The following HS6ST3 variants were observed in gnomAD, a reference collection of about 807,000 sequenced individuals.
HS6ST3 encodes the protein heparan sulfate 6-O-sulfotransferase 3, also known as heparan-sulfate 6-O-sulfotransferase 3.
In HS6ST3, 12 loss-of-function variants were observed where a neutral mutation model predicts 36.7. The observed-to-expected ratio is 0.33, with a 90% CI of 0.21 to 0.53. HS6ST3 has a LOEUF of 0.53. Ranked by LOEUF, HS6ST3 falls within the 20% of genes least tolerant of loss-of-function variation. The pLI is 0.95. For synonymous variants in HS6ST3, 240 were observed against 257.5 expected (o/e 0.93, Z 0.65); for missense variants, 584 against 640.9 (o/e 0.91, Z 0.96).
intron 1 of HS6ST3, among the ~76,000 whole-genome samples, chr13:96,462,086 G>T (rs1317860479): frequency 6.6e-6 from 1 of 152,044 alleles, no homozygotes; most frequent in Admixed American, 6.6e-5. Flanking sequence ...TTCAGGCAGG[G>T]TCTGACAGGG....
chr13:96,346,631 C>T (rs1315393752), intron 1 of HS6ST3, among the ~76,000 whole-genome samples: 5 of 151,894 alleles, frequency 3.3e-5, no homozygotes, highest in African/African-American at 7.3e-5. Flanking sequence ...TATATAATCT[C>T]GTGTTTGTAT....
intron 1 of HS6ST3, among the ~76,000 whole-genome samples, chr13:96,642,154 G>GT (rs1405982746): frequency 1.3e-5 from 2 of 151,698 alleles, no homozygotes; most frequent in Non-Finnish European, 2.9e-5. Context: ...TGGATATAAA[G>GT]TTTTTGGTTG....
intron 1 of HS6ST3, among the ~76,000 whole-genome samples, chr13:96,422,965 C>T (rs1365609502): frequency 6.6e-6 from 1 of 152,036 alleles, no homozygotes; most frequent in Admixed American, 6.6e-5. Flanking sequence ...TTGAAGGAAA[C>T]CTAAATATTT....
At chr13:96,365,874 C>A (rs2139438000) in intron 1 of HS6ST3, among the ~76,000 whole-genome samples, 1 of 152,256 alleles carries the variant, frequency 6.6e-6, no homozygotes, top group African/African-American at 2.4e-5. Flanking sequence ...CTAGCTGATA[C>A]ACTTGGGTAA....
chr13:96,370,947 A>T (rs1294887715), intron 1 of HS6ST3, among the ~76,000 whole-genome samples: 1 of 152,148 alleles, frequency 6.6e-6, no homozygotes, highest in Non-Finnish European at 1.5e-5. Context: ...TTATTACTCT[A>T]TGCCTGTATT....
chr13:96,677,046 C>G (rs2056701072), intron 1 of HS6ST3, among the ~76,000 whole-genome samples: 1 of 152,050 alleles, frequency 6.6e-6, no homozygotes, highest in Admixed American at 6.6e-5. Flanking sequence ...TGCAGCAAAT[C>G]TTTGTGGTAG....
At chr13:96,551,117 T>C (rs1371006923) in intron 1 of HS6ST3, among the ~76,000 whole-genome samples, 1 of 152,230 alleles carries the variant, frequency 6.6e-6, no homozygotes, top group East Asian at 1.9e-4. Flanking sequence ...GTATGCTAAT[T>C]CTTTGAAGCT....
At chr13:96,403,685 G>A (rs2055462878) in intron 1 of HS6ST3, among the ~76,000 whole-genome samples, 2 of 152,198 alleles carry the variant, frequency 1.3e-5, no homozygotes, top group Non-Finnish European at 2.9e-5. Flanking sequence ...GCAACTGTAT[G>A]TTTTCGGGGG....
intron 1 of HS6ST3, among the ~76,000 whole-genome samples, chr13:96,752,381 G>A (rs962269891): frequency 2.0e-5 from 3 of 152,106 alleles, no homozygotes; most frequent in Admixed American, 6.6e-5. Flanking sequence ...ACAAGGTAAC[G>A]TCAAATTGCT....
At chr13:96,399,697 A>G (rs550237242) in intron 1 of HS6ST3, among the ~76,000 whole-genome samples, 1 of 152,386 alleles carries the variant, frequency 6.6e-6, no homozygotes, top group African/African-American at 2.4e-5. Context: ...GAGATGTCCA[A>G]GGGTCTCCCA....
chr13:96,220,065 C>T (rs1289682567), intron 1 of HS6ST3, among the ~76,000 whole-genome samples: 1 of 152,202 alleles, frequency 6.6e-6, no homozygotes, highest in Admixed American at 6.5e-5. Flanking sequence ...TGAGCACCTC[C>T]TATGTACCAG....
At chr13:96,233,449 T>C (rs1000918387) in intron 1 of HS6ST3, among the ~76,000 whole-genome samples, 6 of 152,124 alleles carry the variant, frequency 3.9e-5, no homozygotes, top group Non-Finnish European at 7.4e-5. Flanking sequence ...ACTTGATGAA[T>C]ATAGAACATT....
intron 1 of HS6ST3, among the ~76,000 whole-genome samples, chr13:96,387,359 A>G (rs970002371): frequency 3.5e-4 from 53 of 152,206 alleles, no homozygotes; most frequent in African/African-American, 1.1e-3. Flanking sequence ...CAGAGTAAAT[A>G]ATCCACACCT....
chr13:96,791,940 T>C (rs1490157559), intron 1 of HS6ST3, among the ~76,000 whole-genome samples: 2 of 152,060 alleles, frequency 1.3e-5, no homozygotes, highest in Non-Finnish European at 2.9e-5. Flanking sequence ...ATAAATAGTA[T>C]ACACACAAAT....
chr13:96,251,278 C>T (rs1387408810), intron 1 of HS6ST3, among the ~76,000 whole-genome samples: 1 of 152,070 alleles, frequency 6.6e-6, no homozygotes, highest in Non-Finnish European at 1.5e-5. Flanking sequence ...TCTTATTGAT[C>T]TATTCAGATT....
intron 1 of HS6ST3, among the ~76,000 whole-genome samples, chr13:96,547,686 C>T (rs1353038089): frequency 1.3e-5 from 2 of 152,024 alleles, no homozygotes; most frequent in South Asian, 4.1e-4. Context: ...TATCTGCCAC[C>T]TTGATTGTTT....
At chr13:96,517,979 C>T (rs563823040) in intron 1 of HS6ST3, among the ~76,000 whole-genome samples, 1 of 152,206 alleles carries the variant, frequency 6.6e-6, no homozygotes, top group South Asian at 2.1e-4. Context: ...CAGTGACAGA[C>T]TGGATAAAGA....
intron 1 of HS6ST3, among the ~76,000 whole-genome samples, chr13:96,763,191 A>G (rs146591096): frequency 6.5e-4 from 98 of 151,930 alleles, no homozygotes; most frequent in African/African-American, 2.1e-3. Context: ...TTAATTTTAC[A>G]AAGGTTTTTT....
intron 1 of HS6ST3, among the ~76,000 whole-genome samples, chr13:96,183,614 ACCTGTG>A (rs1330257783): frequency 6.6e-6 from 1 of 152,186 alleles, no homozygotes; most frequent in Non-Finnish European, 1.5e-5. Context: ...GGAAGTTCTT[ACCTGTG>A]CTACAGTATG....
Sources: allele counts gnomAD v4.1 joint callset (sites outside exome capture counted in the v4.1 genomes callset), GRCh38; gene constraint gnomAD v4.1.1; transcripts MANE v1.5; gene names NCBI Gene and HGNC (gene_info 2026-07-23, HGNC 2026-07-21).